Variants in HGD observed in about 807,000 individuals in gnomAD.
HGD encodes the protein homogentisate 1,2-dioxygenase, also known as homogentisate oxidase.
HGD carries 61 observed loss-of-function variants against 60.8 expected under a neutral mutation model. The observed-to-expected ratio is 1.00, with a 90% CI of 0.82 to 1.24. The LOEUF (loss-of-function observed/expected upper bound fraction) is 1.24, where lower values mean the gene tolerates loss of function less well. HGD is among the 50% of genes most tolerant of loss of function. HGD has a pLI of 0.00. For missense variants in HGD, 542 were observed against 547.1 expected (o/e 0.99, Z 0.09); for synonymous variants, 212 against 187.7 (o/e 1.13, Z -1.06).
Position 120,652,682 on chromosome 3 carries a change from A to T in HGD, c.283-31T>A, listed in dbSNP as rs139393533. 214 of 1,502,696 alleles carry T rather than the reference A, an allele frequency of 1.4e-4. 3 individuals are homozygous for T. The East Asian group carries it at 2.3e-3, about 16-fold the overall frequency. 93.1% of individuals were successfully genotyped at this position (1,502,696 alleles called of 1,614,324 possible). A position where few individuals can be genotyped will look rare whatever the true frequency, so the allele number is the denominator to read the frequency against. On this transcript the variant is annotated intron_variant, in intron 4 of 13. Coordinates refer to ENST00000283871, the MANE Select transcript of HGD (RefSeq NM_000187.4). Reference sequence around the variant, plus strand: ...AAAAAAATACACATACAGAAAAATTACTTCACAAGGGTAAACCATAGACCT... The same window carrying T: ...AAAAAAATACACATACAGAAAAATTTCTTCACAAGGGTAAACCATAGACCT...
chr3:120,657,896 G>A (rs755810317), intron 4 of HGD, among the ~76,000 whole-genome samples: 21 of 151,996 alleles, frequency 1.4e-4, no homozygotes, highest in Non-Finnish European at 2.8e-4. Context: ...ACTTTTCAAT[G>A]ACCAGATCTC....
At chr3:120,675,675 C>G in intron 2 of HGD, 117 bp downstream of exon 2, 3 of 790,230 alleles carry the variant, frequency 3.8e-6, no homozygotes, top group Non-Finnish European at 4.5e-6. Flanking sequence ...TGGGAAACCT[C>G]TAGACAGTTC....
intron 2 of HGD, among the ~76,000 whole-genome samples, 178 bp downstream of exon 2, chr3:120,675,614 A>G (rs1039147826): frequency 5.3e-5 from 8 of 152,146 alleles, no homozygotes; most frequent in African/African-American, 1.9e-4. Flanking sequence ...CACCAATCCA[A>G]TTTTAATCTT....
At chr3:120,647,517 C>T (rs1941203067) in intron 7 of HGD, among the ~76,000 whole-genome samples, 1 of 152,146 alleles carries the variant, frequency 6.6e-6, no homozygotes, top group Admixed American at 6.5e-5. Context: ...ATTTAAATTG[C>T]AGTTACTAAT....
intron 1 of HGD, among the ~76,000 whole-genome samples, chr3:120,679,906 G>T (rs1296981834): frequency 1.3e-5 from 2 of 152,194 alleles, no homozygotes; most frequent in Non-Finnish European, 2.9e-5. Context: ...CATTTGTGTT[G>T]TTTTAAGCCA....
intron 9 of HGD, 120 bp downstream of exon 9, chr3:120,646,147 T>C: frequency 1.3e-6 from 1 of 746,006 alleles, no homozygotes; most frequent in South Asian, 1.4e-5. Flanking sequence ...GAAGAATTTG[T>C]CTAGAGAGAA....
At chr3:120,662,821 A>T (rs1325336869) in intron 4 of HGD, among the ~76,000 whole-genome samples, 1 of 152,196 alleles carries the variant, frequency 6.6e-6, no homozygotes, top group Admixed American at 6.5e-5. Context: ...CCAAATTCAT[A>T]TGTTGAACTC....
At chr3:120,634,293 C>T (rs927561716) in intron 12 of HGD, among the ~76,000 whole-genome samples, 1 of 152,130 alleles carries the variant, frequency 6.6e-6, no homozygotes, top group Non-Finnish European at 1.5e-5. Context: ...CAAAATTTAA[C>T]AAAAATCACC....
intron 4 of HGD, among the ~76,000 whole-genome samples, chr3:120,665,306 G>A (rs766650322): frequency 2.0e-5 from 3 of 152,160 alleles, no homozygotes; most frequent in Non-Finnish European, 4.4e-5. Flanking sequence ...GAACCAAGAG[G>A]TAATTTTCTC....
intron 4 of HGD, among the ~76,000 whole-genome samples, chr3:120,654,939 C>T (rs1036441588): frequency 6.6e-6 from 1 of 152,242 alleles, no homozygotes; most frequent in Admixed American, 6.5e-5. Flanking sequence ...GGTGTGGTGG[C>T]ATGCACCTGT....
chr3:120,674,950 G>C lies in HGD; in HGVS notation c.127C>G (p.Gln43Glu), dbSNP rs1243059404. The change falls in exon 3 of 14, where the codon CAG becomes GAG. Residue 43 changes from glutamine (Q) to glutamate (E), a missense_variant. By Grantham distance (29) the Gln-to-Glu change is conservative. This residue lies in a region of HGD where 537 missense variants were observed against 529.1 expected (regional missense o/e 1.01). Coordinates refer to ENST00000283871, the MANE Select transcript of HGD (RefSeq NM_000187.4). ...CAAGTGAAAGCCGATCCTGAGAGCT[G>C]CTCAGCATAGAGATTGTAGGGGCAG... ...QVCPYNLYAEQLSGSAFTCPR... is the reference protein window; with the variant it reads ...QVCPYNLYAEELSGSAFTCPR... The C allele has an allele frequency of 1.2e-6, 2 of 1,611,894 alleles. No homozygotes were observed. Among genetic ancestry groups the C allele is most frequent in the Admixed American group, 1.7e-5 (1 of 59,934 alleles).
At chr3:120,679,866 A>T (rs75405688) in intron 1 of HGD, among the ~76,000 whole-genome samples, 1 of 152,222 alleles carries the variant, frequency 6.6e-6, no homozygotes, top group East Asian at 1.9e-4. Context: ...CCGATTTCAG[A>T]CTTCTGACCT....
chr3:120,655,344 T>C (rs997771606), intron 4 of HGD, among the ~76,000 whole-genome samples: 2 of 152,168 alleles, frequency 1.3e-5, no homozygotes, highest in African/African-American at 4.8e-5. Flanking sequence ...ATACCTTCAA[T>C]AGGGCCCACA....
intron 7 of HGD, among the ~76,000 whole-genome samples, chr3:120,647,468 G>C (rs1941201456): frequency 6.6e-6 from 1 of 152,162 alleles, no homozygotes; most frequent in Admixed American, 6.5e-5. Context: ...AACAATCTCT[G>C]ATAGACTTTA....
At chr3:120,651,436 C>G (rs373989056) in intron 5 of HGD, among the ~76,000 whole-genome samples, 5 of 152,098 alleles carry the variant, frequency 3.3e-5, no homozygotes, top group African/African-American at 1.2e-4. Flanking sequence ...GCCCTCAGCC[C>G]CAAACCTGCA....
intron 11 of HGD, 22 bp from the exon 12 acceptor site, chr3:120,638,603 C>T (rs779873814): frequency 1.2e-6 from 2 of 1,613,370 alleles, no homozygotes; most frequent in South Asian, 1.1e-5. Flanking sequence ...CAAGGAGAGA[C>T]TGAACGCATG....
rs1940492075 is a variant in HGD, at chr3:120,628,619, T to C, written c.1189-90A>G. On this transcript the variant is annotated intron_variant, in intron 13 of 13. Coordinates refer to ENST00000283871, the MANE Select transcript of HGD (RefSeq NM_000187.4). ...GATGTCAACAGAAGGTATGGGTAGGTGAAATCTTCCAATAACAAATCAAAG... is the reference window on the plus strand; with the variant it reads ...GATGTCAACAGAAGGTATGGGTAGGCGAAATCTTCCAATAACAAATCAAAG... 6 of 1,403,640 alleles carry C rather than the reference T, an allele frequency of 4.3e-6. No homozygotes were observed. In the South Asian group the frequency reaches 7.0e-5, roughly 16 times the overall value. 86.9% of individuals were successfully genotyped at this position (1,403,640 alleles called of 1,614,324 possible).
At chr3:120,669,228 AT>A (rs1439095348) in intron 4 of HGD, among the ~76,000 whole-genome samples, 2 of 152,168 alleles carry the variant, frequency 1.3e-5, no homozygotes, top group Admixed American at 6.5e-5. Context: ...TCTGTATTGA[AT>A]GTATTTTCTA....
intron 4 of HGD, among the ~76,000 whole-genome samples, chr3:120,666,625 G>A (rs2204994): frequency 0.09 from 13,758 of 152,096 alleles, 776 homozygotes; most frequent in Middle Eastern, 0.17. Context: ...TGGGAATTCA[G>A]GCATGCACCA....
Sources: allele counts gnomAD v4.1 joint callset (sites outside exome capture counted in the v4.1 genomes callset), GRCh38; gene constraint gnomAD v4.1.1; regional missense constraint gnomAD v4.1.1; transcripts MANE v1.5; gene names NCBI Gene and HGNC (gene_info 2026-07-23, HGNC 2026-07-21).